BBS9: variants seen among roughly 807,000 people sequenced by gnomAD.
The protein encoded by BBS9 is protein PTHB1.
In BBS9, 89 loss-of-function variants were observed where a neutral mutation model predicts 117.7. The ratio of observed to expected loss-of-function variants is 0.76; its 90% confidence interval spans 0.64 to 0.90. The LOEUF is 0.90. Among genes scored for constraint, BBS9 ranks in the 40% least tolerant of loss-of-function variants. The pLI, the probability that BBS9 is intolerant of heterozygous loss-of-function variation, is 0.00. For synonymous variants in BBS9, 379 were observed against 370.9 expected (o/e 1.02, Z -0.25); for missense variants, 982 against 1,042.2 (o/e 0.94, Z 0.80).
intron 18 of BBS9, among the ~76,000 whole-genome samples, chr7:33,386,957 A>AAT (rs1434281965): frequency 6.6e-6 from 1 of 152,126 alleles, no homozygotes; most frequent in African/African-American, 2.4e-5. Flanking sequence ...CAACTATGTT[A>AAT]ATATATAGGT....
chr7:33,314,422 A>G (rs1014059589), intron 9 of BBS9: 1 of 251,374 alleles, frequency 4.0e-6, no homozygotes, highest in African/African-American at 2.3e-5. Context: ...GTCTTTTGGT[A>G]TTGCCCACTT....
intron 21 of BBS9, among the ~76,000 whole-genome samples, chr7:33,556,090 G>T (rs1855246820): frequency 6.6e-6 from 1 of 152,182 alleles, no homozygotes; most frequent in African/African-American, 2.4e-5. Context: ...TGGATTACCA[G>T]TGTCACTAAG....
chr7:33,194,318 A>C (rs1784610471), intron 5 of BBS9, among the ~76,000 whole-genome samples: 1 of 151,884 alleles, frequency 6.6e-6, no homozygotes, highest in Non-Finnish European at 1.5e-5. Context: ...CCTTATGTGG[A>C]GTTTGGTCTT....
intron 3 of BBS9, 92 bp downstream of exon 3, chr7:33,152,943 T>G: frequency 7.2e-7 from 1 of 1,384,420 alleles, no homozygotes; most frequent in Non-Finnish European, 1.0e-6. Flanking sequence ...AGACTATCCA[T>G]GAATTAAATA....
intron 7 of BBS9, among the ~76,000 whole-genome samples, chr7:33,266,328 A>G (rs1005064307): frequency 3.9e-5 from 6 of 152,210 alleles, no homozygotes; most frequent in Admixed American, 2.0e-4. Flanking sequence ...AACTTACCCA[A>G]TGGAGTGATT....
At chr7:33,414,165 A>G (rs1831601374) in intron 19 of BBS9, among the ~76,000 whole-genome samples, 1 of 152,190 alleles carries the variant, frequency 6.6e-6, no homozygotes, top group Admixed American at 6.5e-5. Flanking sequence ...TTGTTTTGGG[A>G]TTTAGATCAG....
chr7:33,171,477 A>C (rs1796565052), intron 4 of BBS9, among the ~76,000 whole-genome samples: 1 of 152,238 alleles, frequency 6.6e-6, no homozygotes, highest in Non-Finnish European at 1.5e-5. Flanking sequence ...AGTAGCTTTA[A>C]TTACATATAT....
intron 21 of BBS9, among the ~76,000 whole-genome samples, chr7:33,580,454 A>G (rs115743902): frequency 0.013 from 1,976 of 152,274 alleles, 36 homozygotes; most frequent in African/African-American, 0.045. Context: ...TTAGGTAGAA[A>G]TGAAGTAGGT....
At chr7:33,396,430 ATG>A (rs1260683631) in intron 19 of BBS9, among the ~76,000 whole-genome samples, 1 of 152,206 alleles carries the variant, frequency 6.6e-6, no homozygotes, top group African/African-American at 2.4e-5. Flanking sequence ...AATGAAATAG[ATG>A]TGTCTATAAT....
At chr7:33,615,097 A>G (rs1865063099) in intron 21 of BBS9, among the ~76,000 whole-genome samples, 1 of 151,970 alleles carries the variant, frequency 6.6e-6, no homozygotes, top group Non-Finnish European at 1.5e-5. Flanking sequence ...GGACTATAGA[A>G]TGCCTTCTGT....
At chr7:33,532,892 C>T (rs1197089642) in intron 20 of BBS9, among the ~76,000 whole-genome samples, 1 of 152,088 alleles carries the variant, frequency 6.6e-6, no homozygotes, top group African/African-American at 2.4e-5. Context: ...CATTTCTTGT[C>T]GTTCTTTATA....
Position 33,597,071 on chromosome 7 carries a change from A to T in BBS9, c.2522-7794A>T, listed in dbSNP as rs201375089. On this transcript the variant is annotated intron_variant, in intron 21 of 22. Transcript: ENST00000242067. ...TCATCTCTCTCTCTCTCTCTCTGTCACACACACACACACACACACACACAC... is the reference window on the plus strand; with the variant it reads ...TCATCTCTCTCTCTCTCTCTCTGTCTCACACACACACACACACACACACAC... Among the ~76,000 whole-genome samples, 45 of 41,534 alleles carry T rather than the reference A, an allele frequency of 1.1e-3. No individual in the cohort carries two copies. The East Asian group carries it at 0.027, about 25-fold the overall frequency. 27.2% of individuals were successfully genotyped at this position (41,534 alleles called of 152,430 possible). A position where few individuals can be genotyped will look rare whatever the true frequency, so the allele number is the denominator to read the frequency against.
intron 21 of BBS9, among the ~76,000 whole-genome samples, chr7:33,624,032 TA>T (rs1418907986): frequency 6.6e-6 from 1 of 152,098 alleles, no homozygotes; most frequent in Middle Eastern, 3.2e-3. Flanking sequence ...CTGTTTAATT[TA>T]TTTTACCATA....
chr7:33,384,266 G>GTTA (rs1054756830), intron 18 of BBS9, among the ~76,000 whole-genome samples: 8 of 152,174 alleles, frequency 5.3e-5, no homozygotes, highest in Admixed American at 4.6e-4. Context: ...CTGAATGAGG[G>GTTA]TTAACACTTA....
intron 3 of BBS9, among the ~76,000 whole-genome samples, chr7:33,154,048 G>T (rs1230448287): frequency 6.6e-6 from 1 of 152,190 alleles, no homozygotes; most frequent in Non-Finnish European, 1.5e-5. Context: ...ATTGGAAGGG[G>T]AGGAAGTTAA....
intron 4 of BBS9, among the ~76,000 whole-genome samples, chr7:33,156,212 G>A (rs899106024): frequency 2.6e-5 from 4 of 152,084 alleles, no homozygotes; most frequent in Non-Finnish European, 4.4e-5. Flanking sequence ...AGTATAGTGT[G>A]CGGTTTGGTT....
chr7:33,621,004 AAACCTGGGCAT>A (rs1865377263), intron 21 of BBS9, among the ~76,000 whole-genome samples: 1 of 152,204 alleles, frequency 6.6e-6, no homozygotes, highest in Non-Finnish European at 1.5e-5. Context: ...TGGTGCTGAG[AAACCTGGGCAT>A]CCATATGCAG....
intron 21 of BBS9, among the ~76,000 whole-genome samples, chr7:33,557,702 C>T (rs1190977806): frequency 6.6e-6 from 1 of 152,156 alleles, no homozygotes; most frequent in Non-Finnish European, 1.5e-5. Flanking sequence ...TTCTAAGGAG[C>T]GCATCTAAGT....
At chr7:33,440,702 G>A (rs889024541) in intron 19 of BBS9, among the ~76,000 whole-genome samples, 2 of 152,206 alleles carry the variant, frequency 1.3e-5, no homozygotes, top group African/African-American at 2.4e-5. Context: ...TAAGTTAGTT[G>A]ATGTTGGACA....
Sources: gnomAD v4.1 joint callset for allele counts (sites outside exome capture counted in the v4.1 genomes callset) on GRCh38, gnomAD v4.1.1 for gene constraint, MANE v1.5 for transcripts, NCBI Gene and HGNC (gene_info 2026-07-23, HGNC 2026-07-21) for gene names.